OTOGL: variants seen among roughly 807,000 people sequenced by gnomAD.
OTOGL encodes the protein otogelin-like protein.
OTOGL carries 285 observed loss-of-function variants against 318.5 expected under a neutral mutation model. The observed-to-expected ratio is 0.89, with a 90% confidence interval of 0.81 to 0.99. The LOEUF is 0.99. Among genes scored for constraint, OTOGL ranks in the 50% least tolerant of loss-of-function variants. OTOGL has a pLI of 0.00. For synonymous variants in OTOGL, 987 were observed against 936.5 expected (o/e 1.05, Z -0.99); for missense variants, 2,899 against 2,845.6 (o/e 1.02, Z -0.43).
chr12:80,191,163 A>G (rs1241144358), intron 1 of OTOGL, among the ~76,000 whole-genome samples: 1 of 152,158 alleles, frequency 6.6e-6, no homozygotes, highest in Admixed American at 6.5e-5. Context: ...ACTGGCTGGG[A>G]GCAGTGGTTC....
At chr12:80,154,022 C>G (rs1471065933) in intron 1 of OTOGL, among the ~76,000 whole-genome samples, 1 of 152,234 alleles carries the variant, frequency 6.6e-6, no homozygotes, top group East Asian at 1.9e-4. Context: ...CAAAACTTAA[C>G]TTGAAGCTGG....
chr12:80,364,088 A>G (rs1212942683), intron 52 of OTOGL, among the ~76,000 whole-genome samples: 1 of 152,186 alleles, frequency 6.6e-6, no homozygotes, highest in Admixed American at 6.5e-5. Flanking sequence ...TCAGTATTCC[A>G]AGAATTTTAA....
In OTOGL at chr12:80,247,239, C is replaced by G. The variant is rs965482608; in HGVS notation, c.1053-4454C>G. ...TGTGTTTGCTCTTGCTTTTCTAGTT[C>G]TTTTAATTGTGATGTTAGGCTGTCA... On this transcript the variant is annotated intron_variant, in intron 11 of 58. Transcript: ENST00000547103. Among the ~76,000 whole-genome samples, 32 of 149,276 alleles carry G rather than the reference C, an allele frequency of 2.1e-4. 2 individuals are homozygous for G. The highest frequency in any genetic ancestry group is 6.7e-4 in the African/African-American group (26 of 38,800).
intron 24 of OTOGL, among the ~76,000 whole-genome samples, chr12:80,272,342 ATGTGTGTGTGTGTG>A (rs56364698): frequency 0.11 from 15,244 of 145,002 alleles, 1,014 homozygotes; most frequent in African/African-American, 0.19. Flanking sequence ...AGGCATTGTG[ATGTGTGTGTGTGTG>A]TGTGTGTGTG....
intron 22 of OTOGL, among the ~76,000 whole-genome samples, chr12:80,269,379 G>A (rs1883235197): frequency 6.6e-6 from 1 of 152,124 alleles, no homozygotes; most frequent in South Asian, 2.1e-4. Flanking sequence ...TAGAATGTAA[G>A]TTGCAAGGAA....
Position 80,256,214 on chromosome 12 carries a change from T to C in OTOGL, c.1588-123T>C, listed in dbSNP as rs1341209617. The stretch of plus-strand genomic sequence containing the variant: ...AATTCTAATTTATATGCACTCTCTT[T>C]CTTTTTTGTTCTCTCCTCTCTCTTT... On this transcript the variant is annotated intron_variant, in intron 16 of 58. Coordinates refer to ENST00000547103, the MANE Select transcript of OTOGL (RefSeq NM_001378609.3). The C allele has an allele frequency of 2.1e-5, 25 of 1,173,100 alleles. No individual in the cohort carries two copies. In the South Asian group the frequency reaches 4.1e-4, roughly 19 times the overall value. 72.7% of individuals were successfully genotyped at this position (1,173,100 alleles called of 1,614,324 possible).
intron 44 of OTOGL, among the ~76,000 whole-genome samples, chr12:80,348,438 T>C (rs1381602173): frequency 6.6e-6 from 1 of 152,142 alleles, no homozygotes; most frequent in Non-Finnish European, 1.5e-5. Flanking sequence ...TGTGATTGTG[T>C]GGCATTATTC....
chr12:80,267,650 C>T (rs981725030), intron 22 of OTOGL, among the ~76,000 whole-genome samples: 3 of 144,846 alleles, frequency 2.1e-5, no homozygotes, highest in Non-Finnish European at 4.5e-5. Context: ...TGAGTGAGAA[C>T]ATGCAGTGTT....
chr12:80,207,162 T>C (rs1454491542), intron 1 of OTOGL, among the ~76,000 whole-genome samples: 1 of 152,186 alleles, frequency 6.6e-6, no homozygotes, highest in Non-Finnish European at 1.5e-5. Context: ...AATTTAACTT[T>C]GGTTTATGCT....
chr12:80,169,757 C>G (rs1020370832), intron 1 of OTOGL, among the ~76,000 whole-genome samples: 1 of 152,140 alleles, frequency 6.6e-6, no homozygotes, highest in South Asian at 2.1e-4. Flanking sequence ...AGAACATGAC[C>G]TACATGCAAT....
rs1304502527 is a variant in OTOGL, at chr12:80,358,654, G to A, written c.6122-17G>A. ...CTCTATAAAATTCATCTTTACCCATGTAATTTTTCTTTTTAGTATGTGAAC... is the reference window on the plus strand; with the variant it reads ...CTCTATAAAATTCATCTTTACCCATATAATTTTTCTTTTTAGTATGTGAAC... On this transcript the variant is annotated splice_polypyrimidine_tract_variant and intron_variant, in intron 50 of 58. Coordinates refer to ENST00000547103, the MANE Select transcript of OTOGL (RefSeq NM_001378609.3). 28 of 1,558,110 alleles carry A rather than the reference G, an allele frequency of 1.8e-5. No individual in the cohort carries two copies. Among genetic ancestry groups the A allele is most frequent in the African/African-American group, 2.7e-5 (2 of 73,536 alleles).
chr12:80,368,789 G>C (rs115360258), intron 55 of OTOGL, among the ~76,000 whole-genome samples: 200 of 149,336 alleles, frequency 1.3e-3, no homozygotes, highest in African/African-American at 4.7e-3. Context: ...GATCTGTAAG[G>C]AATCTTCAAG....
At position 80,378,153 on chromosome 12, in the gene OTOGL, T is replaced by C. The variant is rs1566027861; in HGVS notation, c.*105T>C. The C allele has an allele frequency of 2.6e-5, 22 of 848,936 alleles. No individual in the cohort carries two copies. Among genetic ancestry groups the C allele is most frequent in the Non-Finnish European group, 3.9e-5 (22 of 568,500 alleles). 52.6% of individuals were successfully genotyped at this position (848,936 alleles called of 1,614,324 possible). On this transcript the variant is annotated 3_prime_UTR_variant, in exon 59 of 59. Transcript: ENST00000547103. ...GCAGATTTATGCTGTTTAACAATAC[T>C]GTATTTTTCAGACTTGGAATGTGGA...
At chr12:80,360,762 G>A (rs1034052026) in intron 52 of OTOGL, among the ~76,000 whole-genome samples, 25 of 151,952 alleles carry the variant, frequency 1.6e-4, no homozygotes, top group Non-Finnish European at 2.9e-4. Flanking sequence ...TTACAGGTGT[G>A]AGCCACCGCG....
chr12:80,230,536 T>C (rs1879269512), intron 8 of OTOGL, among the ~76,000 whole-genome samples: 1 of 152,184 alleles, frequency 6.6e-6, no homozygotes, highest in Admixed American at 6.5e-5. Flanking sequence ...GACTTGCCAT[T>C]CAGATTGATT....
rs79392319 is a variant in OTOGL, at chr12:80,263,875, G to C, written c.2015-1126G>C. The stretch of plus-strand genomic sequence containing the variant: ...GATCTACAAATTGTTAGCCTCTTTG[G>C]TGTATTACTTTGCTCTTTCAGGATC... On this transcript the variant is annotated intron_variant, in intron 19 of 58. Coordinates refer to ENST00000547103, the MANE Select transcript of OTOGL (RefSeq NM_001378609.3). Among the ~76,000 whole-genome samples the C allele has an allele frequency of 2.3e-3, 348 of 152,004 alleles. 4 individuals carry two copies. Among genetic ancestry groups the C allele is most frequent in the African/African-American group, 8.0e-3 (333 of 41,502 alleles).
At chr12:80,123,507 C>A (rs1870615924) in intron 1 of OTOGL, among the ~76,000 whole-genome samples, 1 of 151,016 alleles carries the variant, frequency 6.6e-6, no homozygotes, top group East Asian at 1.9e-4. Flanking sequence ...TGTGCATGTG[C>A]CTTTATAGCA....
intron 1 of OTOGL, among the ~76,000 whole-genome samples, chr12:80,110,837 C>T (rs1160500152): frequency 6.6e-6 from 1 of 152,192 alleles, no homozygotes; most frequent in African/African-American, 2.4e-5. Context: ...CACTGTCTTC[C>T]ACAATGGTTG....
chr12:80,376,086 T>G (rs548619482), intron 57 of OTOGL, among the ~76,000 whole-genome samples: 2 of 151,718 alleles, frequency 1.3e-5, no homozygotes, highest in East Asian at 3.9e-4. Flanking sequence ...GAGGACAGAG[T>G]GATGGACTGG....
Sources: gnomAD v4.1 joint callset for allele counts (sites outside exome capture counted in the v4.1 genomes callset) on GRCh38, gnomAD v4.1.1 for gene constraint, MANE v1.5 for transcripts, NCBI Gene and HGNC (gene_info 2026-07-23, HGNC 2026-07-21) for gene names.